Variants in ITGB2 observed in about 807,000 individuals in gnomAD.
The protein encoded by ITGB2 is integrin beta-2.
ITGB2 carries 56 observed loss-of-function variants against 86.8 expected under a neutral mutation model. That is an observed-to-expected ratio of 0.65 (90% CI 0.52 to 0.81). The LOEUF is 0.81. Among genes scored for constraint, ITGB2 ranks in the 30% least tolerant of loss-of-function variants. ITGB2 has a pLI of 0.00. For missense variants in ITGB2, 948 were observed against 1,061.2 expected, an observed-to-expected ratio of 0.89 and a Z score of 1.48; for synonymous variants, 457 against 450.4, an observed-to-expected ratio of 1.01 and a Z score of -0.19.
intron 1 of ITGB2, among the ~76,000 whole-genome samples, chr21:44,915,600 T>C (rs1051809402): frequency 1.3e-5 from 2 of 152,194 alleles, no homozygotes; most frequent in African/African-American, 4.8e-5. Flanking sequence ...GATTATAAAC[T>C]AGGCATCCAC....
At chr21:44,928,028 A>G (rs1378651969) in intron 1 of ITGB2, 1 of 150,864 alleles carries the variant, frequency 6.6e-6, no homozygotes, top group African/African-American at 2.4e-5. Flanking sequence ...TGCCCCCCCA[A>G]CCCCCCGACG....
In ITGB2 at chr21:44,901,570, G is replaced by A. The variant is rs552709121; in HGVS notation, c.663C>T (p.Val221=). 155 of 1,614,268 alleles carry A rather than the reference G, an allele frequency of 9.6e-5. 1 individual carries two copies. Among genetic ancestry groups the A allele is most frequent in the South Asian group, 2.1e-4 (19 of 91,090 alleles). The change falls in exon 6 of 16, where the codon GTC becomes GTT. Residue 221 remains valine (V), a synonymous_variant. Coordinates refer to ENST00000652462, the MANE Select transcript of ITGB2 (RefSeq NM_000211.5). The part of the protein sequence containing the change: ...TNNSNQFQTE[V]GKQLISGNLD... ...GGTTTCCGGAAATCAGCTGCTTCCC[G>A]ACCTCGGTCTGAAACTGGTTGGAGT...
rs2084068010 is a variant in ITGB2 at position 44,907,895 on chromosome 21, A to G, written c.148-800T>C. On this transcript the variant is annotated intron_variant, in intron 3 of 15. Coordinates refer to ENST00000652462, the MANE Select transcript of ITGB2 (RefSeq NM_000211.5). ...GACTTTTGGAACCACAGAATTTTTTAAAGAAGTCCTCCAGAAATAAAAGTA... is the reference window on the plus strand; with the variant it reads ...GACTTTTGGAACCACAGAATTTTTTGAAGAAGTCCTCCAGAAATAAAAGTA... 11 of 588,026 alleles carry G rather than the reference A, an allele frequency of 1.9e-5. 1 individual carries two copies. The South Asian group carries it at 2.4e-4, about 13-fold the overall frequency. The allele number at this position is 588,026 out of a possible 1,614,324, so 36.4% of individuals were successfully genotyped here. A position where few individuals can be genotyped will look rare whatever the true frequency, so the allele number is the denominator to read the frequency against.
At chr21:44,910,410 G>A (rs936492694) in intron 2 of ITGB2, 38 bp from the exon 3 acceptor site, 1 of 1,613,598 alleles carries the variant, frequency 6.2e-7, no homozygotes, top group East Asian at 2.2e-5. Flanking sequence ...GGTGCTCTGG[G>A]CCGCCCTGCC....
chr21:44,897,018 T>G (rs2083879752), intron 8 of ITGB2, among the ~76,000 whole-genome samples: 2 of 152,204 alleles, frequency 1.3e-5, no homozygotes, highest in Admixed American at 6.5e-5. Context: ...GTGGTCTCTG[T>G]GGATGTCCGG....
At chr21:44,891,586 G>C (rs1405226971) in intron 11 of ITGB2, among the ~76,000 whole-genome samples, 1 of 152,204 alleles carries the variant, frequency 6.6e-6, no homozygotes, top group African/African-American at 2.4e-5. Context: ...AGTACAGGCT[G>C]GCATTGCTGG....
chr21:44,890,501 G>T (rs62221516), intron 11 of ITGB2, among the ~76,000 whole-genome samples: 6,685 of 152,322 alleles, frequency 0.044, 200 homozygotes, highest in Non-Finnish European at 0.065. Context: ...CTGTGTTGCA[G>T]CCATGCACAT....
chr21:44,891,917 TCCGTGAAGC>T lies in ITGB2; in HGVS notation c.1295_1303del (p.Gly432_Thr434del), dbSNP rs1160401594. 6.2e-7 allele frequency: 1 copy of T among 1,613,246 alleles called. No homozygotes were observed. Among genetic ancestry groups the T allele is most frequent in the Non-Finnish European group, 8.5e-7 (1 of 1,179,960 alleles). ...GGGAAGAACCTGCACGGTCACTATG[TCCGTGAAGC>T]CCAGCGCCCGGATGACAAACGACTG... On this transcript the variant is annotated inframe_deletion, in exon 11 of 16. Coordinates refer to ENST00000652462, the MANE Select transcript of ITGB2 (RefSeq NM_000211.5).
rs2146498309 is a variant in ITGB2, at chr21:44,889,452, G to T, written c.1701C>A (p.Gly567=). The stretch of plus-strand genomic sequence containing the variant: ...CGCACTGGCACGCTGAGCCCTCAAA[G>T]CCCGGGTGGCAGCGGCACTTCCCGC... ...CFCGKCRCHP[G]FEGSACQCER... The change falls in exon 13 of 16, where the codon GGC becomes GGA. Residue 567 remains glycine (G), a synonymous_variant. Transcript: ENST00000652462. The T allele has an allele frequency of 6.2e-7, 1 of 1,600,106 alleles. No individual in the cohort carries two copies. Among genetic ancestry groups the T allele is most frequent in the Middle Eastern group, 1.7e-4 (1 of 6,042 alleles).
intron 5 of ITGB2, among the ~76,000 whole-genome samples, chr21:44,902,658 C>T (rs191908894): frequency 0.015 from 2,262 of 151,280 alleles, 38 homozygotes; most frequent in South Asian, 0.09. Flanking sequence ...AGTGTGCATT[C>T]GCATGTGTGA....
At chr21:44,897,568 G>A (rs372950257) in intron 8 of ITGB2, among the ~76,000 whole-genome samples, 25 of 152,194 alleles carry the variant, frequency 1.6e-4, no homozygotes, top group East Asian at 7.7e-4. Context: ...CGCACTGCCC[G>A]CCGGGCACCA....
rs181216366 is a variant in ITGB2, at chr21:44,888,958, C to T, written c.1878-63G>A. 121 of 1,410,416 alleles carry T rather than the reference C, an allele frequency of 8.6e-5. No homozygotes were observed. The Admixed American group carries it at 1.1e-3, about 12-fold the overall frequency. The allele number at this position is 1,410,416 out of a possible 1,614,324, so 87.4% of individuals were successfully genotyped here. On this transcript the variant is annotated intron_variant, in intron 13 of 15. Coordinates refer to ENST00000652462, the MANE Select transcript of ITGB2 (RefSeq NM_000211.5). ...TGCGGGGGCTCCGGCAACGGGGGCTCGGGCTTGGGTGTGTGTCCACCAGGG... is the reference window on the plus strand; with the variant it reads ...TGCGGGGGCTCCGGCAACGGGGGCTTGGGCTTGGGTGTGTGTCCACCAGGG...
chr21:44,907,139 G>T (rs767969430), intron 3 of ITGB2, 44 bp from the exon 4 acceptor site: 1 of 1,458,496 alleles, frequency 6.9e-7, no homozygotes, highest in East Asian at 2.3e-5. Context: ...CACACTGCGG[G>T]ACCTGCAGGA....
At chr21:44,889,141 C>G in intron 13 of ITGB2, 135 bp downstream of exon 13, 2 of 868,482 alleles carry the variant, frequency 2.3e-6, no homozygotes, top group Non-Finnish European at 3.6e-6. Flanking sequence ...CGGAGGGCCC[C>G]TCAGTCCAGA....
At position 44,901,655 on chromosome 21, in the gene ITGB2, T is replaced by C. The variant is rs1429908219; in HGVS notation, c.578A>G (p.Asn193Ser). The stretch of plus-strand genomic sequence containing the variant: ...CGGGGGCTGGCACTCTTTCTCCTTG[T>C]TGGGGCATGGGTTTCGCAGCTTATC... The part of the protein sequence containing the change: ...HPDKLRNPCP[N>S]KEKECQPPFA... The change falls in exon 6 of 16, where the codon AAC (asparagine) becomes AGC (serine). Residue 193 changes from asparagine to serine, a missense_variant. Coordinates refer to ENST00000652462, the MANE Select transcript of ITGB2 (RefSeq NM_000211.5). 1.2e-6 allele frequency: 2 copies of C among 1,614,224 alleles called. No individual in the cohort carries two copies. The highest frequency in any genetic ancestry group is 8.5e-7 in the Non-Finnish European group (1 of 1,180,028).
In ITGB2 at chr21:44,899,108, G is replaced by C; in HGVS notation, c.952C>G (p.Pro318Ala). The stretch of plus-strand genomic sequence containing the variant: ...ATCCTACTGGTCACCGCGAAGATGG[G>C]CTGGATGTTGTTTTCAGCCAGCTTG... ...AHKLAENNIQ[P>A]IFAVTSRMVK... Residue 318 changes from proline (P) to alanine (A), a missense_variant, in exon 8 of 16, where the codon CCC becomes GCC. By Grantham distance (27) the Pro-to-Ala change is conservative (BLOSUM62 -1). Coordinates refer to ENST00000652462, the MANE Select transcript of ITGB2 (RefSeq NM_000211.5). The C allele has an allele frequency of 1.2e-6, 2 of 1,614,200 alleles. No homozygotes were observed. The highest frequency in any genetic ancestry group is 1.7e-6 in the Non-Finnish European group (2 of 1,180,012).
In ITGB2 at chr21:44,886,805, C is replaced by G; in HGVS notation, c.2178G>C (p.Leu726=). The change falls in exon 15 of 16, where the codon CTG becomes CTC. Residue 726 remains leucine (L), a synonymous_variant. Transcript: ENST00000652462. ...GILLLVIWKA[L]IHLSDLREYR... is the part of the protein sequence containing the mutation. ...ACTCCCGGAGGTCGCTCAGGTGGAT[C>G]AGAGCCTTCCAGATGACCAGCAGGA... The G allele has an allele frequency of 6.2e-7, 1 of 1,613,944 alleles. No homozygotes were observed. The highest frequency in any genetic ancestry group is 1.3e-5 in the African/African-American group (1 of 75,024).
intron 9 of ITGB2, 184 bp downstream of exon 9, chr21:44,894,787 C>G (rs76928612): frequency 1.5e-6 from 1 of 655,540 alleles, no homozygotes; most frequent in Non-Finnish European, 2.8e-6. Context: ...CAGAGCTCCC[C>G]GTGGAAGTGC....
At chr21:44,886,470 GT>G in intron 15 of ITGB2, 40 bp from the exon 16 acceptor site, 1 of 1,597,598 alleles carries the variant, frequency 6.3e-7, no homozygotes, top group Non-Finnish European at 8.6e-7. Flanking sequence ...AGTGTGGGAG[GT>G]TTTCAGAGCA....
Sources: gnomAD v4.1 joint callset for allele counts (sites outside exome capture counted in the v4.1 genomes callset) on GRCh38, gnomAD v4.1.1 for gene constraint, MANE v1.5 for transcripts, NCBI Gene and HGNC (gene_info 2026-07-23, HGNC 2026-07-21) for gene names.